Variants in ATRNL1 observed in about 807,000 individuals in gnomAD.
ATRNL1 encodes the protein attractin-like protein 1.
In ATRNL1, 95 loss-of-function variants were observed where a neutral mutation model predicts 182.7. The observed-to-expected ratio is 0.52, with a 90% CI of 0.44 to 0.62. ATRNL1 has a LOEUF of 0.62. ATRNL1 is among the 20% of genes least tolerant of loss of function. ATRNL1 has a pLI of 0.00. For missense variants in ATRNL1, 1,471 were observed against 1,679.5 expected, an observed-to-expected ratio of 0.88 and a Z score of 2.17; for synonymous variants, 576 against 568.3, an observed-to-expected ratio of 1.01 and a Z score of -0.19.
At chr10:115,564,837 C>G (rs1462691585) in intron 26 of ATRNL1, among the ~76,000 whole-genome samples, 1 of 151,862 alleles carries the variant, frequency 6.6e-6, no homozygotes, top group African/African-American at 2.4e-5. Flanking sequence ...CTAATAATAG[C>G]ATATTCTTTA....
chr10:115,563,403 G>A (rs550916828), intron 26 of ATRNL1, among the ~76,000 whole-genome samples: 35 of 152,136 alleles, frequency 2.3e-4, no homozygotes, highest in Non-Finnish European at 3.8e-4. Context: ...TTGCACATCC[G>A]TGCTGAGCAA....
chr10:115,199,822 A>G (rs1848493455), intron 8 of ATRNL1, among the ~76,000 whole-genome samples: 1 of 152,184 alleles, frequency 6.6e-6, no homozygotes. Flanking sequence ...TAACAGGACT[A>G]AAACATGAGA....
At chr10:115,254,137 T>C (rs565108852) in intron 10 of ATRNL1, among the ~76,000 whole-genome samples, 2 of 152,308 alleles carry the variant, frequency 1.3e-5, no homozygotes, top group South Asian at 4.1e-4. Flanking sequence ...TTATAATCCT[T>C]TGGGTATATA....
chr10:115,749,579 A>C (rs1235500613), intron 27 of ATRNL1, among the ~76,000 whole-genome samples: 1 of 151,910 alleles, frequency 6.6e-6, no homozygotes, highest in East Asian at 1.9e-4. Flanking sequence ...TAATATTATT[A>C]TCCTCAGAAT....
intron 6 of ATRNL1, among the ~76,000 whole-genome samples, chr10:115,164,452 A>G (rs1332971986): frequency 6.6e-6 from 1 of 152,206 alleles, no homozygotes; most frequent in Non-Finnish European, 1.5e-5. Context: ...TAGAATTACT[A>G]TATGATCCAG....
chr10:115,173,697 A>G (rs1290022976), intron 8 of ATRNL1, among the ~76,000 whole-genome samples: 2 of 151,888 alleles, frequency 1.3e-5, no homozygotes, highest in African/African-American at 4.8e-5. Context: ...ACTTACTATT[A>G]TAAAGTGGTT....
intron 27 of ATRNL1, among the ~76,000 whole-genome samples, chr10:115,749,282 G>A (rs574782097): frequency 1.6e-4 from 24 of 151,828 alleles, no homozygotes; most frequent in Non-Finnish European, 3.2e-4. Context: ...ATTAGAAACA[G>A]TAAACCAATA....
chr10:115,602,523 C>G (rs750458497), intron 26 of ATRNL1, among the ~76,000 whole-genome samples: 1 of 152,058 alleles, frequency 6.6e-6, no homozygotes, highest in Non-Finnish European at 1.5e-5. Context: ...TAGTGTCAGA[C>G]GCTACAAGGT....
chr10:115,426,174 CT>C lies in ATRNL1; in HGVS notation c.3270-70del, dbSNP rs139592750. On this transcript the variant is annotated intron_variant, in intron 20 of 28. Transcript: ENST00000355044. Reference sequence around the variant, plus strand: ...TATGTTTTGATGTAGAATATAAATACTTTTTTGCTTGAAGAAAAACATGAGG... The same window carrying C: ...TATGTTTTGATGTAGAATATAAATACTTTTTGCTTGAAGAAAAACATGAGG... 3,923 of 1,182,102 alleles carry C rather than the reference CT, an allele frequency of 3.3e-3. 92 individuals are homozygous for C. In the African/African-American group the frequency reaches 0.054, roughly 16 times the overall value. The allele number at this position is 1,182,102 out of a possible 1,614,324, so 73.2% of individuals were successfully genotyped here.
chr10:115,358,430 A>G (rs1292041337), intron 19 of ATRNL1, among the ~76,000 whole-genome samples: 7 of 151,532 alleles, frequency 4.6e-5, no homozygotes, highest in Non-Finnish European at 7.4e-5. Context: ...ATATTCTATC[A>G]TATCTTTATT....
chr10:115,131,916 CT>C (rs1240890560), intron 5 of ATRNL1, among the ~76,000 whole-genome samples: 3 of 151,928 alleles, frequency 2.0e-5, no homozygotes, highest in African/African-American at 4.8e-5. Flanking sequence ...ATATTAAGTC[CT>C]TTTTTTATTT....
chr10:115,487,333 G>T (rs1382340170), intron 24 of ATRNL1, among the ~76,000 whole-genome samples: 2 of 152,126 alleles, frequency 1.3e-5, no homozygotes, highest in Non-Finnish European at 2.9e-5. Context: ...ACTTTGAGCA[G>T]TATGTCCATT....
At chr10:115,611,809 G>C (rs915661408) in intron 26 of ATRNL1, among the ~76,000 whole-genome samples, 3 of 152,272 alleles carry the variant, frequency 2.0e-5, no homozygotes, top group East Asian at 1.9e-4. Flanking sequence ...TTGACGGGAT[G>C]TGTTAATCAG....
At chr10:115,494,374 G>A (rs1432246422) in intron 24 of ATRNL1, among the ~76,000 whole-genome samples, 25 of 152,062 alleles carry the variant, frequency 1.6e-4, no homozygotes, top group African/African-American at 5.6e-4. Context: ...GTACTGTGTC[G>A]AACAGGAGTG....
chr10:115,108,857 A>G (rs137948163), intron 1 of ATRNL1, among the ~76,000 whole-genome samples: 1 of 152,200 alleles, frequency 6.6e-6, no homozygotes, highest in East Asian at 1.9e-4. Context: ...CTCCCATTAT[A>G]CTAGCTTATT....
At chr10:115,338,136 C>T (rs1423565221) in intron 19 of ATRNL1, among the ~76,000 whole-genome samples, 1 of 152,064 alleles carries the variant, frequency 6.6e-6, no homozygotes, top group African/African-American at 2.4e-5. Flanking sequence ...GTTGGGGACC[C>T]CTGTGTAATG....
chr10:115,801,360 G>A (rs1373426452), intron 27 of ATRNL1, among the ~76,000 whole-genome samples: 2 of 152,140 alleles, frequency 1.3e-5, no homozygotes, highest in African/African-American at 4.8e-5. Flanking sequence ...GAGGAAACAA[G>A]TAAGGAGAGA....
chr10:115,712,740 C>A (rs138063903), intron 26 of ATRNL1, among the ~76,000 whole-genome samples: 1 of 151,776 alleles, frequency 6.6e-6, no homozygotes, highest in African/African-American at 2.4e-5. Context: ...TGGTGATGTG[C>A]GCCTGTAATC....
chr10:115,694,396 A>ACAT (rs1555049129), intron 26 of ATRNL1, among the ~76,000 whole-genome samples: 1 of 152,132 alleles, frequency 6.6e-6, no homozygotes. Context: ...GGATGCTCTA[A>ACAT]CATTATGGAA....
Sources: gnomAD v4.1 joint callset for allele counts (sites outside exome capture counted in the v4.1 genomes callset) on GRCh38, gnomAD v4.1.1 for gene constraint, MANE v1.5 for transcripts, NCBI Gene and HGNC (gene_info 2026-07-23, HGNC 2026-07-21) for gene names.